LYZL4: variants seen among roughly 807,000 people sequenced by gnomAD.
LYZL4 encodes lysozyme like 4.
Under a neutral mutation model 17.6 loss-of-function variants are expected in LYZL4, and 13 were observed. The ratio of observed to expected loss-of-function variants is 0.74; its 90% confidence interval spans 0.48 to 1.18. LYZL4 has a LOEUF of 1.18. LYZL4 is among the 50% of genes most tolerant of loss of function. The probability of loss-of-function intolerance (pLI) is 0.00; values close to 1 mark genes in which losing one functional copy is unlikely to be tolerated. For synonymous variants in LYZL4, 64 were observed against 67.7 expected (o/e 0.95, Z 0.27); for missense variants, 174 against 188.2 (o/e 0.92, Z 0.44).
At chr3:42,388,611 C>A in the LYZL4 span, among the ~76,000 whole-genome samples, 2 of 152,184 alleles carry the variant, frequency 1.3e-5, no homozygotes, top group African/African-American at 4.8e-5. Context: ...GAGGCGGCTC[C>A]CAAGGAACCT....
chr3:42,391,003 C>T, the LYZL4 span, among the ~76,000 whole-genome samples: 5 of 152,110 alleles, frequency 3.3e-5, no homozygotes, highest in Admixed American at 2.6e-4. Flanking sequence ...TTAAGATACC[C>T]CAACCACAAC....
chr3:42,401,129 G>C (rs4682700), intron 4 of LYZL4, among the ~76,000 whole-genome samples: 3,686 of 152,262 alleles, frequency 0.024, 112 homozygotes, highest in African/African-American at 0.065. Context: ...CTTATTCAAG[G>C]AAGGGTAAAG....
rs754238523 is a variant in LYZL4 at position 42,407,235 on chromosome 3, A to T, written c.17T>A (p.Val6Asp). 1 of 1,614,108 alleles carries T rather than the reference A, an allele frequency of 6.2e-7. No homozygotes were observed. The highest frequency in any genetic ancestry group is 1.1e-5 in the South Asian group (1 of 91,080). ...CACCAGGTAGCCAAGGAGGGAGAGA[A>T]CCACGGATGCCTTCATCTTCTCCAG... is the stretch of plus-strand genomic sequence containing the variant. MKASV[V>D]LSLLGYLVVP... Residue 6 changes from valine (V) to aspartate (D), a missense_variant, in exon 2 of 5, where the codon GTT (valine) becomes GAT (aspartate). By Grantham distance (152) the Val-to-Asp change is radical. Coordinates refer to ENST00000287748, the MANE Select transcript of LYZL4 (RefSeq NM_144634.4).
chr3:42,404,194 G>A, intron 3 of LYZL4, 70 bp from the exon 4 acceptor site: 1 of 939,710 alleles, frequency 1.1e-6, no homozygotes, highest in Non-Finnish European at 1.7e-6. Context: ...TGTCAGGGAA[G>A]GTACAGGGTA....
chr3:42,375,242 CAA>C, the LYZL4 span, among the ~76,000 whole-genome samples: 1 of 152,182 alleles, frequency 6.6e-6, no homozygotes, highest in African/African-American at 2.4e-5. Context: ...CTGAATGGCA[CAA>C]AGACACCAAC....
At chr3:42,402,958 T>G (rs899415161) in intron 4 of LYZL4, among the ~76,000 whole-genome samples, 1 of 152,120 alleles carries the variant, frequency 6.6e-6, no homozygotes, top group Admixed American at 6.5e-5. Context: ...CATAAGCAAA[T>G]GCAACACTCA....
chr3:42,390,821 G>A, the LYZL4 span, among the ~76,000 whole-genome samples: 1 of 152,150 alleles, frequency 6.6e-6, no homozygotes, highest in African/African-American at 2.4e-5. Context: ...TATTAACTAA[G>A]ACTGATGTTC....
intron 3 of LYZL4, among the ~76,000 whole-genome samples, chr3:42,404,379 G>A (rs34259319): frequency 0.041 from 6,308 of 152,256 alleles, 175 homozygotes; most frequent in Non-Finnish European, 0.06. Context: ...AGGCTACAGA[G>A]AATCAGCTGA....
chr3:42,391,673 A>G, the LYZL4 span, among the ~76,000 whole-genome samples: 1 of 152,170 alleles, frequency 6.6e-6, no homozygotes, highest in Non-Finnish European at 1.5e-5. Flanking sequence ...TTTTTGAGGA[A>G]TTTTTAAAGA....
At chr3:42,371,197 C>T in the LYZL4 span, among the ~76,000 whole-genome samples, 2 of 152,224 alleles carry the variant, frequency 1.3e-5, no homozygotes, top group African/African-American at 4.8e-5. Context: ...TGGTGCCTAT[C>T]TTTCTCTAAA....
the LYZL4 span, among the ~76,000 whole-genome samples, chr3:42,382,125 T>C: frequency 2.0e-5 from 3 of 152,216 alleles, no homozygotes; most frequent in Non-Finnish European, 4.4e-5. Flanking sequence ...CCAGAAACGG[T>C]GCTCAGTGTT....
chr3:42,364,115 G>A, the LYZL4 span, among the ~76,000 whole-genome samples: 2 of 152,104 alleles, frequency 1.3e-5, no homozygotes, highest in African/African-American at 4.8e-5. Flanking sequence ...ATCTCCCCTG[G>A]GAGGCAGTCA....
chr3:42,399,211 C>T (rs1189513721), intron 4 of LYZL4, among the ~76,000 whole-genome samples: 4 of 152,168 alleles, frequency 2.6e-5, no homozygotes, highest in Admixed American at 6.5e-5. Flanking sequence ...TGAGGAGAAA[C>T]AGGCCCCTTC....
chr3:42,361,743 T>C, the LYZL4 span, among the ~76,000 whole-genome samples: 4 of 150,898 alleles, frequency 2.7e-5, no homozygotes, highest in African/African-American at 9.9e-5. Context: ...ATAAATAAAA[T>C]AAATAATAGA....
At chr3:42,408,863 T>C (rs999421459) in intron 1 of LYZL4, among the ~76,000 whole-genome samples, 1 of 152,182 alleles carries the variant, frequency 6.6e-6, no homozygotes, top group Non-Finnish European at 1.5e-5. Context: ...GGCCTCTAGA[T>C]GCTAGTAGCT....
At chr3:42,381,600 A>G in the LYZL4 span, among the ~76,000 whole-genome samples, 3 of 152,226 alleles carry the variant, frequency 2.0e-5, no homozygotes, top group Admixed American at 2.0e-4. Flanking sequence ...GAGGTAATAA[A>G]TTGGAATGTT....
the LYZL4 span, among the ~76,000 whole-genome samples, chr3:42,362,973 T>C: frequency 6.6e-6 from 1 of 152,160 alleles, no homozygotes; most frequent in Admixed American, 6.5e-5. Flanking sequence ...TTACCCAGAA[T>C]GCCAAAATTG....
the LYZL4 span, among the ~76,000 whole-genome samples, chr3:42,376,317 C>A: frequency 6.6e-6 from 1 of 152,226 alleles, no homozygotes; most frequent in African/African-American, 2.4e-5. Flanking sequence ...TGTTGGTGCC[C>A]CCCCACCCTC....
the LYZL4 span, among the ~76,000 whole-genome samples, chr3:42,376,097 C>T: frequency 3.3e-5 from 5 of 152,162 alleles, no homozygotes; most frequent in African/African-American, 4.8e-5. Context: ...CTAAAACAGA[C>T]CCCTCAAGGT....
Sources: allele counts gnomAD v4.1 joint callset (sites outside exome capture counted in the v4.1 genomes callset), GRCh38; gene constraint gnomAD v4.1.1; transcripts MANE v1.5; gene names NCBI Gene and HGNC (gene_info 2026-07-23, HGNC 2026-07-21).